The following ANKRD7 variants were observed in gnomAD, a reference collection of about 807,000 sequenced individuals.
The protein encoded by ANKRD7 is ankyrin repeat domain 7, also known as ankyrin repeat domain-containing protein 7.
ANKRD7 carries 30 observed loss-of-function variants against 30.8 expected under a neutral mutation model. The observed-to-expected ratio is 0.97, with a 90% confidence interval of 0.73 to 1.32. The LOEUF (loss-of-function observed/expected upper bound fraction) is 1.32, where lower values mean the gene tolerates loss of function less well. Ranked by LOEUF, ANKRD7 falls within the 40% of genes most tolerant of loss-of-function variation. ANKRD7 has a pLI of 0.00. For synonymous variants in ANKRD7, 97 were observed against 106.6 expected (o/e 0.91, Z 0.55); for missense variants, 264 against 295.7 (o/e 0.89, Z 0.79).
In ANKRD7 at chr7:118,239,903, T is replaced by G. The variant is rs1334156031; in HGVS notation, c.713-6T>G. On this transcript the variant is annotated splice_region_variant and splice_polypyrimidine_tract_variant and intron_variant, in intron 5 of 6. Coordinates refer to ENST00000265224, the MANE Select transcript of ANKRD7 (RefSeq NM_019644.4). Reference sequence around the variant, plus strand: ...TGCTGGCATTCACACGTAATTTCCTTTATAGATAGATACCCACAATTCACT... The same window carrying G: ...TGCTGGCATTCACACGTAATTTCCTGTATAGATAGATACCCACAATTCACT... 6.3e-7 allele frequency: 1 copy of G among 1,582,518 alleles called. No homozygotes were observed.
intron 5 of ANKRD7, among the ~76,000 whole-genome samples, chr7:118,238,329 A>C (rs1809769986): frequency 6.6e-6 from 1 of 151,982 alleles, no homozygotes; most frequent in Non-Finnish European, 1.5e-5. Flanking sequence ...AAGAGGTGAG[A>C]GGGAAGAAAA....
At chr7:118,228,158 T>C (rs1019725827) in intron 1 of ANKRD7, among the ~76,000 whole-genome samples, 2 of 152,204 alleles carry the variant, frequency 1.3e-5, no homozygotes, top group African/African-American at 4.8e-5. Flanking sequence ...ACACTTCTTT[T>C]GAGACTCTTT....
intron 3 of ANKRD7, 130 bp from the exon 4 acceptor site, chr7:118,235,911 A>C: frequency 1.9e-6 from 1 of 519,236 alleles, no homozygotes; most frequent in Non-Finnish European, 3.4e-6. Flanking sequence ...TTTTTTATGT[A>C]TTAAAATCTT....
intron 1 of ANKRD7, among the ~76,000 whole-genome samples, chr7:118,226,279 A>C (rs1809539652): frequency 6.6e-6 from 1 of 152,102 alleles, no homozygotes; most frequent in Non-Finnish European, 1.5e-5. Context: ...GTTTAATCAA[A>C]TTCTTCTTTA....
At chr7:118,241,160 CAAAAAAAAAAAAAAAA>C (rs60703234) in intron 6 of ANKRD7, among the ~76,000 whole-genome samples, 1 of 21,848 alleles carries the variant, frequency 4.6e-5, no homozygotes, top group Admixed American at 4.0e-4. Flanking sequence ...GACTCCGTCT[CAAAAAAAAAAAAAAAA>C]AAAAAAAAAA....
intron 3 of ANKRD7, among the ~76,000 whole-genome samples, chr7:118,235,619 A>C (rs1809715854): frequency 6.6e-6 from 1 of 151,602 alleles, no homozygotes; most frequent in Non-Finnish European, 1.5e-5. Flanking sequence ...CTCAAAAAAA[A>C]AAAAAAAAAA....
chr7:118,238,570 A>T (rs564379331), intron 5 of ANKRD7, among the ~76,000 whole-genome samples: 1 of 152,182 alleles, frequency 6.6e-6, no homozygotes, highest in Non-Finnish European at 1.5e-5. Flanking sequence ...TTGGCTCTCT[A>T]TGTAGATTCT....
intron 1 of ANKRD7, among the ~76,000 whole-genome samples, chr7:118,225,436 C>T (rs1442591504): frequency 6.6e-6 from 1 of 150,474 alleles, no homozygotes; most frequent in African/African-American, 2.5e-5. Flanking sequence ...TGCAGTGAGC[C>T]GAGATCGGGC....
intron 5 of ANKRD7, among the ~76,000 whole-genome samples, chr7:118,239,106 AG>A (rs1293485471): frequency 6.6e-6 from 1 of 152,206 alleles, no homozygotes; most frequent in Non-Finnish European, 1.5e-5. Flanking sequence ...CACCTAAAGC[AG>A]GTGTCCTTAA....
chr7:118,231,391 T>A (rs556778893), intron 1 of ANKRD7, among the ~76,000 whole-genome samples: 2 of 152,172 alleles, frequency 1.3e-5, no homozygotes, highest in South Asian at 4.1e-4. Flanking sequence ...CATAACTTGG[T>A]GAGTGGAGGC....
At chr7:118,230,548 A>T (rs1205460734) in intron 1 of ANKRD7, among the ~76,000 whole-genome samples, 1 of 152,056 alleles carries the variant, frequency 6.6e-6, no homozygotes, top group Non-Finnish European at 1.5e-5. Context: ...CAAAATTCAT[A>T]AAGTTGTACA....
chr7:118,234,031 C>T (rs1456320817), intron 1 of ANKRD7, among the ~76,000 whole-genome samples: 1 of 152,100 alleles, frequency 6.6e-6, no homozygotes. Context: ...CAATTAGGTA[C>T]AGCATGTCAT....
At position 118,236,706 on chromosome 7, in the gene ANKRD7, G is replaced by C. The variant is rs922424770; in HGVS notation, c.576-84G>C. 3 of 1,394,540 alleles carry C rather than the reference G, an allele frequency of 2.2e-6. No individual in the cohort carries two copies. The African/African-American group carries it at 4.3e-5, about 20-fold the overall frequency. 86.4% of individuals were successfully genotyped at this position (1,394,540 alleles called of 1,614,324 possible). A position where few individuals can be genotyped will look rare whatever the true frequency, so the allele number is the denominator to read the frequency against. ...TTTCTGATAGAGGCCCTACATTTGA[G>C]TAGTAAATTGAGAAGACTGAATTTT... On this transcript the variant is annotated intron_variant, in intron 4 of 6. Transcript: ENST00000265224.
intron 1 of ANKRD7, among the ~76,000 whole-genome samples, chr7:118,230,282 C>T (rs962967515): frequency 6.6e-6 from 1 of 151,976 alleles, no homozygotes; most frequent in Admixed American, 6.6e-5. Flanking sequence ...ACACTAGGGA[C>T]TCCAAATGGG....
At chr7:118,226,112 C>A (rs1809535921) in intron 1 of ANKRD7, among the ~76,000 whole-genome samples, 1 of 152,162 alleles carries the variant, frequency 6.6e-6, no homozygotes, top group African/African-American at 2.4e-5. Flanking sequence ...TGAGAATCTC[C>A]AAACTCAGAG....
At chr7:118,236,759 C>T in intron 4 of ANKRD7, 31 bp from the exon 5 acceptor site, 1 of 1,602,978 alleles carries the variant, frequency 6.2e-7, no homozygotes, top group Non-Finnish European at 8.5e-7. Flanking sequence ...AAGATCTTTA[C>T]ATGGGCATTC....
At chr7:118,233,015 T>C (rs1809666754) in intron 1 of ANKRD7, among the ~76,000 whole-genome samples, 5 of 152,262 alleles carry the variant, frequency 3.3e-5, no homozygotes, top group Admixed American at 3.3e-4. Flanking sequence ...ATTTCATCCT[T>C]AAGCCAAACT....
Position 118,239,911 on chromosome 7 carries a change from A to C in ANKRD7, c.715A>C (p.Arg239=). Reference sequence around the variant, plus strand: ...TTCACACGTAATTTCCTTTATAGATAGATACCCACAATTCACTGCGAGCCA... The same window carrying C: ...TTCACACGTAATTTCCTTTATAGATCGATACCCACAATTCACTGCGAGCCA... The part of the protein sequence containing the change: ...NMFISMVLLH[R]YPQFTASHGK... The change falls in exon 6 of 7, where the codon AGA becomes CGA. Residue 239 remains arginine, a splice_region_variant and synonymous_variant. Transcript: ENST00000265224. 6.3e-7 allele frequency: 1 copy of C among 1,589,324 alleles called. No individual in the cohort carries two copies. Among genetic ancestry groups the C allele is most frequent in the South Asian group, 1.1e-5 (1 of 87,822 alleles).
At chr7:118,232,323 CTA>C (rs1485142312) in intron 1 of ANKRD7, among the ~76,000 whole-genome samples, 2 of 151,638 alleles carry the variant, frequency 1.3e-5, no homozygotes, top group African/African-American at 4.8e-5. Context: ...TTTTTTTAAA[CTA>C]AGATGACTGC....
Sources: gnomAD v4.1 joint callset for allele counts (sites outside exome capture counted in the v4.1 genomes callset) on GRCh38, gnomAD v4.1.1 for gene constraint, MANE v1.5 for transcripts, NCBI Gene and HGNC (gene_info 2026-07-23, HGNC 2026-07-21) for gene names.